NCAPD2: variants seen among roughly 807,000 people sequenced by gnomAD.
NCAPD2 encodes non-SMC condensin I complex subunit D2.
In NCAPD2, 100 loss-of-function variants were observed where a neutral mutation model predicts 164.5. The ratio of observed to expected loss-of-function variants is 0.61; its 90% CI spans 0.52 to 0.72. The LOEUF (loss-of-function observed/expected upper bound fraction) is 0.72. NCAPD2 is among the 30% of genes least tolerant of loss of function. The pLI is 0.00. For synonymous variants in NCAPD2, 585 were observed against 642.6 expected, an observed-to-expected ratio of 0.91 and a Z score of 1.36; for missense variants, 1,560 against 1,749.2, an observed-to-expected ratio of 0.89 and a Z score of 1.93.
Position 6,520,989 on chromosome 12 carries a change from G to A in NCAPD2, c.1593G>A (p.Lys531=). Residue 531 remains lysine (K), a synonymous_variant, in exon 14 of 32, where the codon AAG becomes AAA. Transcript: ENST00000315579. ...TGACAGGCTGGTGTTCTTTCAGAAA[G>A]GCCATCATTCTCACTCGAGAAGCCA... The part of the protein sequence containing the change: ...YQLLAKASYK[K]AIILTREATG... The A allele has an allele frequency of 6.2e-7, 1 of 1,613,880 alleles. No homozygotes were observed. Among genetic ancestry groups the A allele is most frequent in the South Asian group, 1.1e-5 (1 of 91,064 alleles).
chr12:6,494,549 C>T (rs549177628), intron 1 of NCAPD2, among the ~76,000 whole-genome samples: 3 of 152,222 alleles, frequency 2.0e-5, no homozygotes, highest in Non-Finnish European at 4.4e-5. Flanking sequence ...TGTTAATGCT[C>T]TTACCATTCT....
chr12:6,516,145 G>A (rs11064242), intron 9 of NCAPD2, among the ~76,000 whole-genome samples: 47,946 of 150,890 alleles, frequency 0.32, 8,085 homozygotes, highest in African/African-American at 0.43. Flanking sequence ...ACAGTGAGCC[G>A]AGATCGCACC....
rs553700471 is a variant in NCAPD2 at position 6,524,502 on chromosome 12, A to G, written c.2215-1081A>G. Reference sequence around the variant, plus strand: ...CCTTTACTAAAAATACAAAAAAATTAGCCAGGTGTGGTGGTGGGCACCTGT... The same window carrying G: ...CCTTTACTAAAAATACAAAAAAATTGGCCAGGTGTGGTGGTGGGCACCTGT... On this transcript the variant is annotated intron_variant, in intron 17 of 31. Coordinates refer to ENST00000315579, the MANE Select transcript of NCAPD2 (RefSeq NM_014865.4). Among the ~76,000 whole-genome samples the G allele has an allele frequency of 2.6e-5, 4 of 152,078 alleles. No homozygotes were observed. The South Asian group carries it at 6.2e-4, about 24-fold the overall frequency.
intron 18 of NCAPD2, 80 bp from the exon 19 acceptor site, chr12:6,525,988 G>A: frequency 6.5e-7 from 1 of 1,546,436 alleles, no homozygotes; most frequent in Non-Finnish European, 8.8e-7. Flanking sequence ...TGAGGTGCTG[G>A]TACCTACCCC....
intron 19 of NCAPD2, 23 bp from the exon 20 acceptor site, chr12:6,526,264 C>A: frequency 1.2e-6 from 2 of 1,614,052 alleles, no homozygotes. Flanking sequence ...GTACACACAC[C>A]CACGTTGTCT....
Position 6,522,809 on chromosome 12 carries a change from T to C in NCAPD2, c.1955-19T>C. On this transcript the variant is annotated intron_variant, in intron 15 of 31. Transcript: ENST00000315579. ...AGTTTTGTGAAGTAGATAGGTGACA[T>C]TTGTACATGTTCTCTCAGTGGTGCA... is the stretch of plus-strand genomic sequence containing the variant. The C allele has an allele frequency of 6.2e-7, 1 of 1,612,020 alleles. No homozygotes were observed. Among genetic ancestry groups the C allele is most frequent in the South Asian group, 1.1e-5 (1 of 91,048 alleles).
chr12:6,510,583 A>G (rs1355489350), intron 4 of NCAPD2, 46 bp from the exon 5 acceptor site: 4 of 1,604,466 alleles, frequency 2.5e-6, no homozygotes, highest in East Asian at 4.5e-5. Flanking sequence ...GTTGGGGTAT[A>G]TGAAAGAAGT....
At chr12:6,501,829 G>A (rs1290132657) in intron 2 of NCAPD2, among the ~76,000 whole-genome samples, 1 of 152,138 alleles carries the variant, frequency 6.6e-6, no homozygotes, top group Non-Finnish European at 1.5e-5. Context: ...CTAAATGGAC[G>A]CTAAATAAAG....
Position 6,528,601 on chromosome 12 carries a change from C to T in NCAPD2, c.3300-78C>T, listed in dbSNP as rs1946339430. 3 of 1,475,958 alleles carry T rather than the reference C, an allele frequency of 2.0e-6. No individual in the cohort carries two copies. The Admixed American group carries it at 5.5e-5, about 27-fold the overall frequency. 91.4% of individuals were successfully genotyped at this position (1,475,958 alleles called of 1,614,324 possible). ...TGGCAGAGCATGGGATAATTGATTC[C>T]TGCTGAGGGCCTTTTCTACCAGTGT... On this transcript the variant is annotated intron_variant, in intron 25 of 31. Coordinates refer to ENST00000315579, the MANE Select transcript of NCAPD2 (RefSeq NM_014865.4). The surrounding 1 kb of genome is among the most constrained non-coding windows in gnomAD (Gnocchi z 5.1).
In NCAPD2 at chr12:6,529,583, C is replaced by G. The variant is rs555494125; in HGVS notation, c.3643C>G (p.Arg1215Gly). ...GGTGGAAAAGCTGTGTCAGCGGTTCCGCACATCCCGGTATGCTGCCCTCCC... is the reference window on the plus strand; with the variant it reads ...GGTGGAAAAGCTGTGTCAGCGGTTCGGCACATCCCGGTATGCTGCCCTCCC... ...SLVEKLCQRF[R>G]TSRTERQQRD... is the part of the protein sequence containing the mutation. The change falls in exon 28 of 32, where the codon CGC (arginine) becomes GGC (glycine). Residue 1215 changes from arginine (R) to glycine (G), a missense_variant. Coordinates refer to ENST00000315579, the MANE Select transcript of NCAPD2 (RefSeq NM_014865.4). 1 of 1,614,216 alleles carries G rather than the reference C, an allele frequency of 6.2e-7. No individual in the cohort carries two copies. The highest frequency in any genetic ancestry group is 8.5e-7 in the Non-Finnish European group (1 of 1,180,034).
chr12:6,530,615 C>G (rs1014077506), intron 29 of NCAPD2, 76 bp from the exon 30 acceptor site: 1 of 1,582,992 alleles, frequency 6.3e-7, no homozygotes, highest in East Asian at 2.2e-5. Flanking sequence ...GCCTCCATGT[C>G]TTCCATGGCC....
rs140208693 is a variant in NCAPD2 at position 6,502,415 on chromosome 12, C to T, written c.127+7190C>T. Among the ~76,000 whole-genome samples the T allele has an allele frequency of 5.3e-4, 81 of 152,180 alleles. 1 individual carries two copies. The highest frequency in any genetic ancestry group is 1.5e-3 in the African/African-American group (64 of 41,520). On this transcript the variant is annotated intron_variant, in intron 2 of 31. Transcript: ENST00000315579. ...TGTGAAATAATTGCCTAGAAGAAAA[C>T]GAATAGACTTGGGAGTACGAATGCC...
intron 10 of NCAPD2, 123 bp downstream of exon 10, chr12:6,517,148 G>A: frequency 7.7e-7 from 1 of 1,293,834 alleles, no homozygotes. Context: ...TTTATTATCA[G>A]TAGTAAAAGT....
chr12:6,506,699 G>A (rs983719007), intron 2 of NCAPD2, among the ~76,000 whole-genome samples: 11 of 151,962 alleles, frequency 7.2e-5, no homozygotes, highest in African/African-American at 2.2e-4. Flanking sequence ...AAAAAAATTA[G>A]CCAGATATGG....
intron 2 of NCAPD2, among the ~76,000 whole-genome samples, chr12:6,498,575 T>C (rs1946004805): frequency 6.6e-6 from 1 of 152,186 alleles, no homozygotes; most frequent in African/African-American, 2.4e-5. Flanking sequence ...TGGTAATGTT[T>C]AATTTACAAA....
At chr12:6,515,002 G>C in intron 9 of NCAPD2, 82 bp downstream of exon 9, 1 of 1,464,656 alleles carries the variant, frequency 6.8e-7, no homozygotes, top group Non-Finnish European at 9.4e-7. Flanking sequence ...AACAGAACAA[G>C]AAAGTAGCTT....
chr12:6,502,879 C>G (rs1284529406), intron 2 of NCAPD2, among the ~76,000 whole-genome samples: 1 of 151,976 alleles, frequency 6.6e-6, no homozygotes, highest in South Asian at 2.1e-4. Flanking sequence ...GAGACGGAGT[C>G]TCACTCTGTC....
chr12:6,512,804 C>T (rs1022921420), intron 6 of NCAPD2, among the ~76,000 whole-genome samples: 25 of 152,284 alleles, frequency 1.6e-4, no homozygotes, highest in Middle Eastern at 3.4e-3. Context: ...TAGACCAAGG[C>T]GTGGCAGTGG....
At chr12:6,509,115 C>G (rs1946122941) in intron 2 of NCAPD2, among the ~76,000 whole-genome samples, 1 of 151,408 alleles carries the variant, frequency 6.6e-6, no homozygotes, top group East Asian at 1.9e-4. Context: ...TGTGTTCCCT[C>G]CTAACTACTG....
Sources: allele counts gnomAD v4.1 joint callset (sites outside exome capture counted in the v4.1 genomes callset), GRCh38; gene constraint gnomAD v4.1.1; non-coding constraint Gnocchi (gnomAD v3.1); transcripts MANE v1.5; gene names NCBI Gene and HGNC (gene_info 2026-07-23, HGNC 2026-07-21).